Variants in ZDHHC20 observed in about 807,000 individuals in gnomAD.
ZDHHC20 encodes the protein palmitoyltransferase ZDHHC20.
A neutral mutation model predicts 57.8 loss-of-function variants in ZDHHC20; 43 were observed. That is an observed-to-expected ratio of 0.74 (90% CI 0.58 to 0.96). The LOEUF (loss-of-function observed/expected upper bound fraction) is 0.96. ZDHHC20 is among the 40% of genes least tolerant of loss of function. The pLI, the probability that ZDHHC20 is intolerant of heterozygous loss-of-function variation, is 0.00. For missense variants in ZDHHC20, 391 were observed against 441.1 expected (o/e 0.89, Z 1.02); for synonymous variants, 157 against 153.0 (o/e 1.03, Z -0.19).
At chr13:21,431,239 A>C (rs1881882051) in intron 1 of ZDHHC20, among the ~76,000 whole-genome samples, 1 of 152,152 alleles carries the variant, frequency 6.6e-6, no homozygotes, top group Non-Finnish European at 1.5e-5. Context: ...TGGAGGCAAA[A>C]AGGCACTTTT....
intron 4 of ZDHHC20, among the ~76,000 whole-genome samples, chr13:21,412,056 T>C (rs1879287212): frequency 6.6e-6 from 1 of 152,192 alleles, no homozygotes; most frequent in Non-Finnish European, 1.5e-5. Flanking sequence ...GATGAAGTCT[T>C]GATAGTGGCG....
chr13:21,381,774 A>T (rs1873466256), intron 10 of ZDHHC20: 4 of 578,256 alleles, frequency 6.9e-6, no homozygotes, highest in South Asian at 2.0e-5. Context: ...TGCCAATGAA[A>T]ACAATTAGTC....
At chr13:21,398,799 T>C (rs984777646) in intron 7 of ZDHHC20, among the ~76,000 whole-genome samples, 1 of 152,224 alleles carries the variant, frequency 6.6e-6, no homozygotes. Flanking sequence ...TCATGTCTAC[T>C]GGTTCAATAA....
intron 1 of ZDHHC20, among the ~76,000 whole-genome samples, chr13:21,446,083 G>A (rs946038849): frequency 9.2e-5 from 14 of 152,162 alleles, no homozygotes; most frequent in African/African-American, 2.7e-4. Context: ...CAGAAGCAGT[G>A]GCAGGCCACA....
chr13:21,398,183 G>C (rs926027088), intron 7 of ZDHHC20, among the ~76,000 whole-genome samples: 2 of 152,138 alleles, frequency 1.3e-5, no homozygotes, highest in African/African-American at 4.8e-5. Flanking sequence ...TAAACAAACA[G>C]GTTGGGCGCG....
Position 21,378,662 on chromosome 13 carries a change from T to C in ZDHHC20, c.*39A>G, listed in dbSNP as rs1392191707. ...AGGATTACCTTTATACTGTCTTACC[T>C]TGCTCTTATTCAAATGGTTAGTTAT... On this transcript the variant is annotated splice_region_variant and 3_prime_UTR_variant, in exon 12 of 13. Transcript: ENST00000400590. 7.0e-7 allele frequency: 1 copy of C among 1,423,406 alleles called. No homozygotes were observed. The highest frequency in any genetic ancestry group is 2.6e-5 in the East Asian group (1 of 39,076). 88.2% of individuals were successfully genotyped at this position (1,423,406 alleles called of 1,614,324 possible). A position where few individuals can be genotyped will look rare whatever the true frequency, so the allele number is the denominator to read the frequency against.
intron 3 of ZDHHC20, among the ~76,000 whole-genome samples, chr13:21,418,672 T>C (rs1237151661): frequency 6.7e-6 from 1 of 149,122 alleles, no homozygotes; most frequent in East Asian, 1.9e-4. Flanking sequence ...TGTGTGGTAC[T>C]GTTGTTGTTG....
chr13:21,383,019 GAA>G lies in ZDHHC20; in HGVS notation c.855-12_855-11del. 1 of 1,550,418 alleles carries G rather than the reference GAA, an allele frequency of 6.4e-7. No homozygotes were observed. Among genetic ancestry groups the G allele is most frequent in the Non-Finnish European group, 8.7e-7 (1 of 1,145,300 alleles). On this transcript the variant is annotated splice_polypyrimidine_tract_variant and intron_variant, in intron 9 of 12. Transcript: ENST00000400590. ...GCAACCATCACCCAAGCTGCATAAT[GAA>G]AAAGAGTAATAATTTAAATAATGTT... is the stretch of plus-strand genomic sequence containing the variant.
intron 1 of ZDHHC20, among the ~76,000 whole-genome samples, chr13:21,448,020 G>C (rs1336702935): frequency 4.4e-4 from 49 of 112,024 alleles, no homozygotes; most frequent in African/African-American, 1.1e-3. Context: ...CGCCCCGTCT[G>C]AGAAGTGAGG....
At chr13:21,401,783 A>G in intron 5 of ZDHHC20, 98 bp from the exon 6 acceptor site, 2 of 1,099,784 alleles carry the variant, frequency 1.8e-6, no homozygotes, top group South Asian at 3.4e-5. Flanking sequence ...TTCCCTTTAC[A>G]ACTACATCTT....
intron 10 of ZDHHC20, chr13:21,382,021 G>A (rs865942615): frequency 6.4e-6 from 3 of 470,356 alleles, no homozygotes; most frequent in African/African-American, 2.0e-5. Flanking sequence ...GGGAGGGAAT[G>A]GAGGAAGGAA....
At chr13:21,439,590 A>G (rs9506679) in intron 1 of ZDHHC20, among the ~76,000 whole-genome samples, 13,492 of 152,246 alleles carry the variant, frequency 0.089, 655 homozygotes, top group Non-Finnish European at 0.099. Context: ...TAAAGACTGA[A>G]GAACTCTTCC....
chr13:21,387,655 T>C (rs753243168), intron 8 of ZDHHC20, 21 bp from the exon 9 acceptor site: 3 of 1,336,020 alleles, frequency 2.2e-6, no homozygotes, highest in East Asian at 3.0e-5. Context: ...TACATACATA[T>C]ATAAACTAAT....
intron 11 of ZDHHC20, 121 bp downstream of exon 11, chr13:21,381,313 A>T: frequency 2.3e-6 from 2 of 884,380 alleles, no homozygotes; most frequent in Non-Finnish European, 3.4e-6. Context: ...GCATATATTT[A>T]AAAGTTTCAC....
chr13:21,409,423 T>C (rs1263642699), intron 4 of ZDHHC20, among the ~76,000 whole-genome samples: 3 of 152,208 alleles, frequency 2.0e-5, no homozygotes, highest in African/African-American at 7.2e-5. Flanking sequence ...TCTCTGATGG[T>C]AGTTTGTATT....
intron 7 of ZDHHC20, among the ~76,000 whole-genome samples, chr13:21,392,450 C>A (rs918432254): frequency 1.3e-5 from 2 of 152,218 alleles, no homozygotes; most frequent in Non-Finnish European, 2.9e-5. Flanking sequence ...TTTCAGACCA[C>A]CTTACCCATG....
At chr13:21,426,350 A>G (rs1011600975) in intron 1 of ZDHHC20, among the ~76,000 whole-genome samples, 7 of 152,112 alleles carry the variant, frequency 4.6e-5, no homozygotes, top group African/African-American at 1.7e-4. Context: ...TGTTGGTTCT[A>G]CTATCTAAGT....
At chr13:21,425,484 T>G in intron 2 of ZDHHC20, among the ~76,000 whole-genome samples, 168 bp downstream of exon 2, 1 of 152,136 alleles carries the variant, frequency 6.6e-6, no homozygotes, top group East Asian at 1.9e-4. Context: ...AATGTCTTGG[T>G]CTGGAAATAA....
At chr13:21,388,549 T>C (rs1325032287) in intron 8 of ZDHHC20, among the ~76,000 whole-genome samples, 1 of 152,082 alleles carries the variant, frequency 6.6e-6, no homozygotes. Flanking sequence ...GATGAGAGTT[T>C]ACTTGTGACT....
Sources: gnomAD v4.1 joint callset for allele counts (sites outside exome capture counted in the v4.1 genomes callset) on GRCh38, gnomAD v4.1.1 for gene constraint, MANE v1.5 for transcripts, NCBI Gene and HGNC (gene_info 2026-07-23, HGNC 2026-07-21) for gene names.